PACRG: variants seen among roughly 807,000 people sequenced by gnomAD.
The protein encoded by PACRG is parkin coregulated gene protein.
Under a neutral mutation model 29.7 loss-of-function variants are expected in PACRG, and 29 were observed. The observed-to-expected ratio is 0.98, with a 90% CI of 0.73 to 1.33. The LOEUF (loss-of-function observed/expected upper bound fraction) is 1.33, where lower values mean the gene tolerates loss of function less well. Among genes scored for constraint, PACRG ranks in the 40% most tolerant of loss-of-function variants. PACRG has a pLI of 0.00. For synonymous variants in PACRG, 116 were observed against 118.7 expected, an observed-to-expected ratio of 0.98 and a Z score of 0.15; for missense variants, 279 against 316.2, an observed-to-expected ratio of 0.88 and a Z score of 0.89.
chr6:163,270,407 G>C (rs1783781249), intron 4 of PACRG, among the ~76,000 whole-genome samples: 1 of 151,984 alleles, frequency 6.6e-6, no homozygotes, highest in African/African-American at 2.4e-5. Context: ...GGTCTCATTT[G>C]GTTGCCAAGC....
chr6:163,287,410 A>G (rs921092325), intron 4 of PACRG, among the ~76,000 whole-genome samples: 2 of 152,200 alleles, frequency 1.3e-5, no homozygotes, highest in African/African-American at 4.8e-5. Context: ...CAGCCCTCCC[A>G]GCAGCCTTCG....
Position 163,204,021 on chromosome 6 carries a change from T to C in PACRG, c.614-110806T>C, listed in dbSNP as rs142616185. ...AGTCGGAACTAATTGCCTATTTTCATGATACATAGTGATTTCTAAGAAAAT... is the reference window on the plus strand; with the variant it reads ...AGTCGGAACTAATTGCCTATTTTCACGATACATAGTGATTTCTAAGAAAAT... On this transcript the variant is annotated intron_variant, in intron 4 of 4. Transcript: ENST00000366888. Among the ~76,000 whole-genome samples the C allele has an allele frequency of 4.9e-3, 748 of 152,380 alleles. 5 individuals carry two copies. Among genetic ancestry groups the C allele is most frequent in the African/African-American group, 0.017 (713 of 41,596 alleles).
intron 3 of PACRG, among the ~76,000 whole-genome samples, chr6:163,068,423 G>A (rs538248233): frequency 6.6e-6 from 1 of 150,936 alleles, no homozygotes; most frequent in South Asian, 2.1e-4. Context: ...TCCAATCTCT[G>A]AACATTTTTG....
At chr6:162,872,205 G>C (rs1243504206) in intron 2 of PACRG, among the ~76,000 whole-genome samples, 2 of 125,870 alleles carry the variant, frequency 1.6e-5, no homozygotes, top group African/African-American at 3.1e-5. Flanking sequence ...TCTAACTCCA[G>C]ATGCCCTAAG....
rs1209070378 is a variant in PACRG, at chr6:163,313,100, G to GTA, written c.614-1716_614-1715dup. The stretch of plus-strand genomic sequence containing the variant: ...CTGTTCCTCTCTCTCATTCGTGTGT[G>GTA]TATATATATATACATATATATATAT... On this transcript the variant is annotated intron_variant, in intron 4 of 4. Coordinates refer to ENST00000366888, the MANE Select transcript of PACRG (RefSeq NM_001080379.2). 3.4e-3 allele frequency among the ~76,000 whole-genome samples: 494 copies of GTA among 146,230 alleles called. 2 individuals carry two copies. The highest frequency in any genetic ancestry group is 0.011 in the African/African-American group (432 of 39,644).
At chr6:163,162,205 C>T (rs1778584883) in intron 4 of PACRG, among the ~76,000 whole-genome samples, 1 of 152,174 alleles carries the variant, frequency 6.6e-6, no homozygotes. Context: ...TCGGCAGGTG[C>T]TGACCTACAA....
At chr6:163,069,285 C>CAAA (rs11354740) in intron 3 of PACRG, among the ~76,000 whole-genome samples, 1 of 94,386 alleles carries the variant, frequency 1.1e-5, no homozygotes, top group Non-Finnish European at 2.3e-5. Context: ...ATGAACTCAC[C>CAAA]AAAAAAAAAA....
intron 4 of PACRG, among the ~76,000 whole-genome samples, chr6:163,148,670 A>G (rs546686294): frequency 2.0e-5 from 3 of 152,272 alleles, no homozygotes; most frequent in South Asian, 2.1e-4. Flanking sequence ...TTCTCTGCAC[A>G]GTAGCTAGCT....
At position 163,065,336 on chromosome 6, in the gene PACRG, G is replaced by A. The variant is rs141804390; in HGVS notation, c.463+3015G>A. 6.3e-3 allele frequency among the ~76,000 whole-genome samples: 962 copies of A among 152,208 alleles called. 8 individuals carry two copies. Among genetic ancestry groups the A allele is most frequent in the Middle Eastern group, 0.017 (5 of 294 alleles). ...AGCAGCCCTCTTACTTGTCTGGATC[G>A]GGGATTACAGATTCACATTTACTCC... On this transcript the variant is annotated intron_variant, in intron 3 of 4. Transcript: ENST00000366888.
chr6:163,166,501 A>G (rs1334587373), intron 4 of PACRG, among the ~76,000 whole-genome samples: 3 of 152,242 alleles, frequency 2.0e-5, no homozygotes, highest in Non-Finnish European at 4.4e-5. Flanking sequence ...GGCGTGCACA[A>G]TTTATTTTCT....
intron 2 of PACRG, among the ~76,000 whole-genome samples, chr6:162,869,034 A>ACG: frequency 6.6e-6 from 1 of 152,160 alleles, no homozygotes; most frequent in Non-Finnish European, 1.5e-5. Context: ...CTCTGCTCAG[A>ACG]ATTGCTTCTG....
intron 2 of PACRG, among the ~76,000 whole-genome samples, chr6:162,818,509 C>T (rs2137878): frequency 0.23 from 34,723 of 151,920 alleles, 5,366 homozygotes; most frequent in African/African-American, 0.41. Flanking sequence ...AAATAAAGAG[C>T]GAAGAGAAGC....
intron 1 of PACRG, among the ~76,000 whole-genome samples, chr6:162,797,261 C>A (rs547807084): frequency 6.6e-6 from 1 of 152,248 alleles, no homozygotes; most frequent in South Asian, 2.1e-4. Context: ...GAGCAAGACT[C>A]CATCTCAAAA....
chr6:163,065,071 G>A (rs1188115279), intron 3 of PACRG, among the ~76,000 whole-genome samples: 1 of 152,214 alleles, frequency 6.6e-6, no homozygotes, highest in East Asian at 1.9e-4. Context: ...CTGCTGCTTG[G>A]TTCAAGCCCC....
chr6:163,144,479 G>C (rs1777715191), intron 4 of PACRG, among the ~76,000 whole-genome samples: 1 of 151,990 alleles, frequency 6.6e-6, no homozygotes, highest in South Asian at 2.1e-4. Flanking sequence ...GATGTTAAAG[G>C]TAATACAGGC....
At chr6:163,312,816 G>A (rs893587674) in intron 4 of PACRG, 12 of 431,250 alleles carry the variant, frequency 2.8e-5, no homozygotes, top group African/African-American at 1.3e-4. Context: ...GCAGTGGCGC[G>A]ATCATGGCTC....
chr6:162,816,951 ACTGCTGAGGAG>A (rs1025497098), intron 2 of PACRG, among the ~76,000 whole-genome samples: 11 of 152,160 alleles, frequency 7.2e-5, no homozygotes, highest in African/African-American at 2.7e-4. Flanking sequence ...CTCACTGAGG[ACTGCTGAGGAG>A]CAGTGCTTCC....
At chr6:163,163,201 A>G (rs1778633041) in intron 4 of PACRG, among the ~76,000 whole-genome samples, 2 of 152,028 alleles carry the variant, frequency 1.3e-5, no homozygotes, top group Non-Finnish European at 2.9e-5. Context: ...GTTTTCAACT[A>G]TTGCCACACC....
chr6:162,847,197 A>C (rs976988729), intron 2 of PACRG, among the ~76,000 whole-genome samples: 8 of 152,180 alleles, frequency 5.3e-5, no homozygotes, highest in African/African-American at 1.9e-4. Flanking sequence ...AGCCAGCTAT[A>C]TCCTCCCACT....
Sources: allele counts gnomAD v4.1 joint callset (sites outside exome capture counted in the v4.1 genomes callset), GRCh38; gene constraint gnomAD v4.1.1; transcripts MANE v1.5; gene names NCBI Gene and HGNC (gene_info 2026-07-23, HGNC 2026-07-21).